The following CYP20A1 variants were observed in gnomAD, a reference collection of about 807,000 sequenced individuals.
CYP20A1 encodes the protein cytochrome P450 family 20 subfamily A member 1.
CYP20A1 carries 61 observed loss-of-function variants against 61.4 expected under a neutral mutation model. That is an observed-to-expected ratio of 0.99 (90% confidence interval 0.81 to 1.23). The LOEUF is 1.23. CYP20A1 is among the 50% of genes most tolerant of loss of function. CYP20A1 has a pLI of 0.00. For synonymous variants in CYP20A1, 193 were observed against 188.2 expected, an observed-to-expected ratio of 1.03 and a Z score of -0.21; for missense variants, 530 against 542.4, an observed-to-expected ratio of 0.98 and a Z score of 0.23.
At chr2:203,253,338 G>A (rs2066768571) in intron 4 of CYP20A1, among the ~76,000 whole-genome samples, 1 of 152,156 alleles carries the variant, frequency 6.6e-6, no homozygotes, top group African/African-American at 2.4e-5. Context: ...AAGTTCTCCC[G>A]GCAGTGCCTG....
chr2:203,248,533 C>CA (rs199941217), intron 3 of CYP20A1, among the ~76,000 whole-genome samples: 47 of 140,178 alleles, frequency 3.4e-4, no homozygotes, highest in East Asian at 1.9e-3. Flanking sequence ...GACTCCATCT[C>CA]AAAAAAAAAA....
chr2:203,243,685 C>CTTTTTT (rs36041824), intron 1 of CYP20A1, among the ~76,000 whole-genome samples: 1 of 75,576 alleles, frequency 1.3e-5, no homozygotes, highest in African/African-American at 4.9e-5. Flanking sequence ...CGCCTGGCCT[C>CTTTTTT]TTTTTTTTTT....
At position 203,289,750 on chromosome 2, in the gene CYP20A1, A is replaced by ATT. The variant is rs534950176; in HGVS notation, c.972-9_972-8dup. 6.6e-7 allele frequency: 1 copy of ATT among 1,507,248 alleles called. No homozygotes were observed. The highest frequency in any genetic ancestry group is 8.9e-7 in the Non-Finnish European group (1 of 1,117,324). The allele number at this position is 1,507,248 out of a possible 1,614,324, so 93.4% of individuals were successfully genotyped here. ...CCCAAAATAAACATCTTCAAAAAAA[A>ATT]TTTTTTTAAAACAGATATTGTCAGC... is the stretch of plus-strand genomic sequence containing the variant. On this transcript the variant is annotated splice_polypyrimidine_tract_variant and intron_variant, in intron 9 of 12. Transcript: ENST00000356079.
intron 11 of CYP20A1, among the ~76,000 whole-genome samples, chr2:203,294,257 TA>T (rs765936720): frequency 1.2e-4 from 19 of 152,052 alleles, no homozygotes; most frequent in Non-Finnish European, 2.4e-4. Context: ...CTATGAAAAA[TA>T]ATGGGCTGGG....
At chr2:203,293,177 G>A (rs557758172) in intron 11 of CYP20A1, among the ~76,000 whole-genome samples, 98 of 146,810 alleles carry the variant, frequency 6.7e-4, no homozygotes, top group African/African-American at 2.0e-3. Flanking sequence ...ACAAGACTCC[G>A]TCTCAAAAAA....
intron 8 of CYP20A1, among the ~76,000 whole-genome samples, chr2:203,283,793 C>T (rs1027899210): frequency 7.9e-5 from 12 of 152,024 alleles, no homozygotes; most frequent in South Asian, 2.1e-4. Context: ...GTGATCTGCC[C>T]GCCTCGGCCT....
intron 9 of CYP20A1, among the ~76,000 whole-genome samples, chr2:203,287,861 C>G (rs957534069): frequency 3.9e-5 from 6 of 152,014 alleles, no homozygotes; most frequent in African/African-American, 1.4e-4. Flanking sequence ...TTTCTTATCT[C>G]CTGTCCTGGC....
In CYP20A1 at chr2:203,303,661, C is replaced by T. The variant is rs1258189117; in HGVS notation, c.*6753C>T. 1.3e-5 allele frequency among the ~76,000 whole-genome samples: 2 copies of T among 151,792 alleles called. No homozygotes were observed. Among genetic ancestry groups the T allele is most frequent in the African/African-American group, 4.8e-5 (2 of 41,316 alleles). ...AGTGAGCCGAGATCGCGCCATTGCA[C>T]TCCAGTGTGGGTGACGAGCGAAAAT... On this transcript the variant is annotated 3_prime_UTR_variant, in exon 13 of 13. Transcript: ENST00000356079.
At chr2:203,254,163 G>T (rs2105918001) in intron 4 of CYP20A1, among the ~76,000 whole-genome samples, 1 of 151,918 alleles carries the variant, frequency 6.6e-6, no homozygotes, top group Non-Finnish European at 1.5e-5. Flanking sequence ...GGCCAGGCTG[G>T]TCTTGAACTC....
intron 5 of CYP20A1, among the ~76,000 whole-genome samples, chr2:203,268,606 GT>G (rs2067430875): frequency 6.8e-6 from 1 of 146,400 alleles, no homozygotes; most frequent in African/African-American, 2.5e-5. Context: ...TTTTTTTTTT[GT>G]TTGTTTTGTT....
At chr2:203,290,429 A>G (rs566646873) in intron 10 of CYP20A1, among the ~76,000 whole-genome samples, 20 of 152,304 alleles carry the variant, frequency 1.3e-4, no homozygotes, top group Non-Finnish European at 2.2e-4. Context: ...ATTTCTGTGT[A>G]TGTATATTAC....
At chr2:203,279,807 A>G (rs1321946597) in intron 7 of CYP20A1, among the ~76,000 whole-genome samples, 1 of 152,152 alleles carries the variant, frequency 6.6e-6, no homozygotes, top group Admixed American at 6.6e-5. Flanking sequence ...TGTACCGAAA[A>G]TCACTTGTAC....
intron 4 of CYP20A1, among the ~76,000 whole-genome samples, chr2:203,255,517 A>G (rs906844646): frequency 1.3e-5 from 2 of 152,174 alleles, no homozygotes; most frequent in African/African-American, 4.8e-5. Flanking sequence ...AGGAAATGCT[A>G]AGTTTCATTC....
At position 203,302,704 on chromosome 2, in the gene CYP20A1, T is replaced by C. The variant is rs555496852; in HGVS notation, c.*5796T>C. On this transcript the variant is annotated 3_prime_UTR_variant, in exon 13 of 13. Transcript: ENST00000356079. ...AGATTTTTGTCATTCTTTATCTTTT[T>C]TGTGTGTGTGTGACAGAGTCTCACT... is the stretch of plus-strand genomic sequence containing the variant. Among the ~76,000 whole-genome samples, 1 of 152,082 alleles carries C rather than the reference T, an allele frequency of 6.6e-6. No homozygotes were observed. The highest frequency in any genetic ancestry group is 2.4e-5 in the African/African-American group (1 of 41,404).
At chr2:203,246,977 T>G (rs2066482650) in intron 3 of CYP20A1, 56 bp downstream of exon 3, 1 of 1,570,436 alleles carries the variant, frequency 6.4e-7, no homozygotes, top group Admixed American at 1.8e-5. Context: ...AATGAATGTT[T>G]AGGCTGGGCA....
At chr2:203,288,256 G>A (rs1301314598) in intron 9 of CYP20A1, among the ~76,000 whole-genome samples, 1 of 151,484 alleles carries the variant, frequency 6.6e-6, no homozygotes, top group Non-Finnish European at 1.5e-5. Flanking sequence ...AGTAGACACA[G>A]GGTTTTACCA....
chr2:203,257,590 C>G (rs1465592399), intron 4 of CYP20A1, among the ~76,000 whole-genome samples: 2 of 151,926 alleles, frequency 1.3e-5, no homozygotes, highest in East Asian at 3.9e-4. Context: ...GAGTTCAAGA[C>G]CAGCCTGGCC....
At chr2:203,269,433 A>G (rs1427585222) in intron 5 of CYP20A1, among the ~76,000 whole-genome samples, 1 of 152,030 alleles carries the variant, frequency 6.6e-6, no homozygotes, top group East Asian at 1.9e-4. Context: ...CCCTGTCTCA[A>G]AAAACAAAAT....
intron 6 of CYP20A1, among the ~76,000 whole-genome samples, chr2:203,274,180 T>G (rs1404134849): frequency 1.3e-5 from 2 of 151,988 alleles, no homozygotes; most frequent in East Asian, 1.9e-4. Flanking sequence ...ATACTTTTTT[T>G]TAAAATAATT....
Sources: allele counts gnomAD v4.1 joint callset (sites outside exome capture counted in the v4.1 genomes callset), GRCh38; gene constraint gnomAD v4.1.1; transcripts MANE v1.5; gene names NCBI Gene and HGNC (gene_info 2026-07-23, HGNC 2026-07-21).